Variants in CAPS2 observed in about 807,000 individuals in gnomAD.
The protein encoded by CAPS2 is calcyphosin-2.
Under a neutral mutation model 86.5 loss-of-function variants are expected in CAPS2, and 98 were observed. The ratio of observed to expected loss-of-function variants is 1.13; its 90% CI spans 0.96 to 1.34. CAPS2 has a LOEUF of 1.34. CAPS2 is among the 40% of genes most tolerant of loss of function. The pLI is 0.00. For synonymous variants in CAPS2, 210 were observed against 225.1 expected (o/e 0.93, Z 0.60); for missense variants, 729 against 686.8 (o/e 1.06, Z -0.69).
At chr12:75,369,512 T>G (rs965487862) in intron 1 of CAPS2, 3 of 977,944 alleles carry the variant, frequency 3.1e-6, no homozygotes, top group Non-Finnish European at 3.6e-6. Context: ...GCTATTAGAA[T>G]GGTAAACTGG....
At chr12:75,342,635 T>C (rs1450354199) in intron 1 of CAPS2, among the ~76,000 whole-genome samples, 1 of 152,166 alleles carries the variant, frequency 6.6e-6, no homozygotes, top group Non-Finnish European at 1.5e-5. Flanking sequence ...GTCTCCAGTT[T>C]TATTCTACAT....
chr12:75,275,992 A>T (rs986637093), downstream of CAPS2: 22 of 411,098 alleles, frequency 5.4e-5, no homozygotes, highest in Non-Finnish European at 9.0e-5. Flanking sequence ...AATATGAAAC[A>T]TTTATTCTTT....
upstream of CAPS2, among the ~76,000 whole-genome samples, chr12:75,328,523 T>G (rs988785998): frequency 6.6e-6 from 1 of 152,176 alleles, no homozygotes; most frequent in Admixed American, 6.5e-5. Context: ...ACCAAGAAGG[T>G]TGGCGTCTCC....
At chr12:75,301,393 A>T (rs2037795949) in intron 8 of CAPS2, among the ~76,000 whole-genome samples, 1 of 152,252 alleles carries the variant, frequency 6.6e-6, no homozygotes. Flanking sequence ...GAGTGTAACC[A>T]TCTCAATTCA....
exon 4 of CAPS2, chr12:75,323,043 A>C (rs1170347400): frequency 6.4e-7 from 1 of 1,550,686 alleles, no homozygotes; most frequent in African/African-American, 1.4e-5. Context: ...TAGAAGATGA[A>C]TTTGGCAGGT....
chr12:75,345,968 A>G (rs1193056844), intron 1 of CAPS2, among the ~76,000 whole-genome samples: 1 of 152,238 alleles, frequency 6.6e-6, no homozygotes, highest in East Asian at 1.9e-4. Context: ...AAAATCAACA[A>G]CTATATCTTG....
chr12:75,382,928 C>G (rs1237925338), intron 1 of CAPS2, among the ~76,000 whole-genome samples: 1 of 152,298 alleles, frequency 6.6e-6, no homozygotes, highest in East Asian at 1.9e-4. Context: ...TCAATACCCT[C>G]TAACAATTCC....
At chr12:75,349,515 A>C (rs183740470) in intron 1 of CAPS2, among the ~76,000 whole-genome samples, 38 of 152,360 alleles carry the variant, frequency 2.5e-4, no homozygotes, top group Admixed American at 2.4e-3. Context: ...TGAATCAATA[A>C]GTTGAAATGA....
In CAPS2 at chr12:75,326,466, A is replaced by G; in HGVS notation, c.33T>C (p.Thr11=). ...AGAATGGCTGAATTTGGCTCCTAGA[A>G]GTGGCAGCAACTCCTTTAACCTCTA... Residue 11 remains threonine (T), a synonymous_variant, in exon 1 of 17, where the codon ACT becomes ACC. Coordinates refer to ENST00000393284, the Ensembl canonical transcript of CAPS2. The G allele has an allele frequency of 1.9e-6, 3 of 1,545,352 alleles. No individual in the cohort carries two copies. The South Asian group carries it at 3.6e-5, about 18-fold the overall frequency.
At chr12:75,366,166 T>C (rs1463683212) in intron 1 of CAPS2, among the ~76,000 whole-genome samples, 1 of 152,182 alleles carries the variant, frequency 6.6e-6, no homozygotes, top group Non-Finnish European at 1.5e-5. Context: ...CTCTTAACTT[T>C]AAGCCAGTTT....
intron 1 of CAPS2, among the ~76,000 whole-genome samples, chr12:75,374,105 T>C (rs2044521652): frequency 6.6e-6 from 1 of 152,206 alleles, no homozygotes; most frequent in Non-Finnish European, 1.5e-5. Flanking sequence ...GGGTCTCTAC[T>C]GTGATTCACC....
chr12:75,352,997 T>C (rs1358948342), intron 1 of CAPS2, among the ~76,000 whole-genome samples: 1 of 152,040 alleles, frequency 6.6e-6, no homozygotes, highest in African/African-American at 2.4e-5. Flanking sequence ...GCTAAAGCAG[T>C]ATTAAGAGGG....
In CAPS2 at chr12:75,306,841, A is replaced by G. The variant is rs2038558914; in HGVS notation, c.660-1965T>C. On this transcript the variant is annotated intron_variant, in intron 7 of 16. Transcript: ENST00000393284. ...ACTGATTTGAACGGAACTGGCCTCAATGTGGGCACTTGGCACACTTTACTA... is the reference window on the plus strand; with the variant it reads ...ACTGATTTGAACGGAACTGGCCTCAGTGTGGGCACTTGGCACACTTTACTA... Among the ~76,000 whole-genome samples, 3 of 152,072 alleles carry G rather than the reference A, an allele frequency of 2.0e-5. No individual in the cohort carries two copies. The South Asian group carries it at 6.2e-4, about 32-fold the overall frequency.
exon 17 of CAPS2, chr12:75,278,489 T>C: frequency 1.0e-6 from 1 of 987,208 alleles, no homozygotes; most frequent in Non-Finnish European, 1.2e-6. Context: ...GAGGAAGAGG[T>C]AGCAAAAAAC....
chr12:75,381,394 C>T (rs2044965692), intron 1 of CAPS2, among the ~76,000 whole-genome samples: 1 of 152,122 alleles, frequency 6.6e-6, no homozygotes, highest in Non-Finnish European at 1.5e-5. Flanking sequence ...TGAAAACAAA[C>T]TAATACAGCG....
chr12:75,282,086 G>C (rs1249470108), intron 16 of CAPS2, among the ~76,000 whole-genome samples, 165 bp downstream of exon 16: 1 of 151,972 alleles, frequency 6.6e-6, no homozygotes, highest in Non-Finnish European at 1.5e-5. Context: ...ATAGACCTAA[G>C]AATTTTTAAA....
intron 16 of CAPS2, among the ~76,000 whole-genome samples, chr12:75,279,583 G>T (rs2033531604): frequency 6.6e-6 from 1 of 151,924 alleles, no homozygotes; most frequent in South Asian, 2.1e-4. Context: ...CAAACCAGAG[G>T]TTCTCTAATG....
intron 1 of CAPS2, chr12:75,347,662 C>A: frequency 6.2e-7 from 1 of 1,609,262 alleles, no homozygotes; most frequent in Non-Finnish European, 8.5e-7. Context: ...TGTGCAGTTG[C>A]AATGTGTCCT....
intron 1 of CAPS2, among the ~76,000 whole-genome samples, chr12:75,384,942 C>G (rs771605193): frequency 1.3e-5 from 2 of 152,140 alleles, no homozygotes; most frequent in African/African-American, 2.4e-5. Flanking sequence ...GAGGGCTCTG[C>G]CCTCATGAAT....
Sources: allele counts gnomAD v4.1 joint callset (sites outside exome capture counted in the v4.1 genomes callset), GRCh38; gene constraint gnomAD v4.1.1; transcripts MANE v1.5; gene names NCBI Gene and HGNC (gene_info 2026-07-23, HGNC 2026-07-21).